Variants in OSBPL10 observed in about 807,000 individuals in gnomAD.
OSBPL10 encodes oxysterol binding protein like 10.
A neutral mutation model predicts 81.7 loss-of-function variants in OSBPL10; 49 were observed. That is an observed-to-expected ratio of 0.60 (90% CI 0.48 to 0.76). The LOEUF (loss-of-function observed/expected upper bound fraction) is 0.76. OSBPL10 is among the 30% of genes least tolerant of loss of function. OSBPL10 has a pLI of 0.00. For missense variants in OSBPL10, 923 were observed against 987.8 expected (o/e 0.93, Z 0.88); for synonymous variants, 419 against 383.6 (o/e 1.09, Z -1.08).
At chr3:31,942,224 G>C (rs1353237014) in intron 1 of OSBPL10, among the ~76,000 whole-genome samples, 4 of 152,022 alleles carry the variant, frequency 2.6e-5, no homozygotes, top group East Asian at 1.9e-4. Context: ...GCAGTGAGCC[G>C]AGATGGCGCC....
intron 2 of OSBPL10, among the ~76,000 whole-genome samples, chr3:32,004,582 G>C (rs770820960): frequency 6.6e-6 from 1 of 152,070 alleles, no homozygotes; most frequent in South Asian, 2.1e-4. Flanking sequence ...CACATTCTTC[G>C]GTTCCTCTGC....
intron 3 of OSBPL10, among the ~76,000 whole-genome samples, 174 bp from the exon 4 acceptor site, chr3:31,830,405 ACTGCCCTTCCTTAG>A (rs1559483456): frequency 6.6e-6 from 1 of 152,158 alleles, no homozygotes; most frequent in Non-Finnish European, 1.5e-5. Context: ...TACTCACTGA[ACTGCCCTTCCTTAG>A]CTGCCCTTCT....
intron 7 of OSBPL10, among the ~76,000 whole-genome samples, chr3:31,695,131 A>G (rs192815251): frequency 3.3e-5 from 5 of 152,300 alleles, no homozygotes; most frequent in Admixed American, 2.6e-4. Context: ...TCACCACCGG[A>G]GCACAGCTCA....
chr3:31,683,414 G>A (rs566863651), intron 8 of OSBPL10, among the ~76,000 whole-genome samples: 9 of 152,280 alleles, frequency 5.9e-5, no homozygotes, highest in Non-Finnish European at 1.3e-4. Context: ...CCAGGTGGGC[G>A]GCTGTCAGGC....
intron 4 of OSBPL10, among the ~76,000 whole-genome samples, chr3:31,754,124 T>C (rs1417942768): frequency 6.6e-6 from 1 of 150,828 alleles, no homozygotes; most frequent in African/African-American, 2.4e-5. Flanking sequence ...ATGTCTCTTG[T>C]TCTACACCTC....
chr3:31,940,433 G>A (rs1697501333), intron 1 of OSBPL10, among the ~76,000 whole-genome samples: 2 of 152,306 alleles, frequency 1.3e-5, no homozygotes, highest in South Asian at 2.1e-4. Context: ...ACTGGAAATG[G>A]GCACTGGGGA....
chr3:31,874,232 T>C (rs911583601), intron 3 of OSBPL10, among the ~76,000 whole-genome samples: 1 of 152,030 alleles, frequency 6.6e-6, no homozygotes, highest in Admixed American at 6.6e-5. Flanking sequence ...CCAAAATAAA[T>C]TCCAGATGAA....
chr3:31,815,318 G>C (rs529472307), intron 4 of OSBPL10, among the ~76,000 whole-genome samples: 2 of 152,174 alleles, frequency 1.3e-5, no homozygotes, highest in African/African-American at 2.4e-5. Context: ...CTGCTGATTC[G>C]TAAGCAAAAT....
rs556484662 is a variant in OSBPL10, at chr3:32,044,173, C to T, written n.298+2318G>A. On this transcript the variant is annotated intron_variant and non_coding_transcript_variant, in intron 2 of 3. Coordinates refer to the OSBPL10 transcript ENST00000479173. ...AACCAAGCCAAGCTGTGGTCTTCTG[C>T]AATGTTATAATCACCCTGTAAAGTC... 2.8e-4 allele frequency among the ~76,000 whole-genome samples: 43 copies of T among 152,098 alleles called. No homozygotes were observed. In the East Asian group the frequency reaches 7.9e-3, roughly 28 times the overall value.
At chr3:31,749,727 A>T (rs1697654109) in intron 4 of OSBPL10, among the ~76,000 whole-genome samples, 1 of 152,166 alleles carries the variant, frequency 6.6e-6, no homozygotes, top group Admixed American at 6.5e-5. Context: ...AGGGAGGAGA[A>T]TCGCTTGAAT....
chr3:32,074,618 C>G (rs1219271671), intron 1 of OSBPL10, among the ~76,000 whole-genome samples: 1 of 152,146 alleles, frequency 6.6e-6, no homozygotes, highest in Non-Finnish European at 1.5e-5. Flanking sequence ...CTCCTCCTAG[C>G]CCCTCCTCTT....
chr3:31,959,923 C>A (rs1698112385), intron 1 of OSBPL10, among the ~76,000 whole-genome samples: 1 of 152,136 alleles, frequency 6.6e-6, no homozygotes, highest in African/African-American at 2.4e-5. Context: ...AAAAAGGATA[C>A]AGGAAAAATG....
intron 7 of OSBPL10, among the ~76,000 whole-genome samples, chr3:31,695,895 T>C (rs1027458569): frequency 6.6e-6 from 1 of 152,192 alleles, no homozygotes; most frequent in Admixed American, 6.5e-5. Flanking sequence ...ATAATCATAA[T>C]AGCAAACACA....
chr3:31,965,535 TAA>T (rs1278190896), intron 1 of OSBPL10, among the ~76,000 whole-genome samples: 1 of 53,196 alleles, frequency 1.9e-5, no homozygotes, highest in East Asian at 1.0e-3. Context: ...TTATATTATA[TAA>T]ATTATATATT....
intron 6 of OSBPL10, among the ~76,000 whole-genome samples, chr3:31,725,974 G>C (rs977426691): frequency 6.6e-6 from 1 of 152,182 alleles, no homozygotes; most frequent in Non-Finnish European, 1.5e-5. Flanking sequence ...GAAACTGCCA[G>C]GTCAGAAAAG....
intron 1 of OSBPL10, among the ~76,000 whole-genome samples, chr3:31,888,387 G>A (rs1262484825): frequency 2.6e-5 from 4 of 152,164 alleles, no homozygotes; most frequent in Non-Finnish European, 5.9e-5. Flanking sequence ...AAAGGGAAAT[G>A]CTGCAGGACC....
In OSBPL10 at chr3:31,990,957, G is replaced by A. The variant is rs756847227; in HGVS notation, n.298+55534C>T. The A allele has an allele frequency of 1.1e-5, 17 of 1,574,144 alleles. No individual in the cohort carries two copies. The East Asian group carries it at 4.0e-4, about 37-fold the overall frequency. On this transcript the variant is annotated intron_variant and non_coding_transcript_variant, in intron 2 of 3. Coordinates refer to the OSBPL10 transcript ENST00000479173. ...GACAGAAATCTTACAAATGTCATAA[G>A]CGTGGCAAGGTCTTCAGTTAGAGGT...
chr3:31,765,040 C>G lies in OSBPL10; in HGVS notation c.730-16920G>C, dbSNP rs560670990. Among the ~76,000 whole-genome samples, 149 of 151,918 alleles carry G rather than the reference C, an allele frequency of 9.8e-4. 1 individual carries two copies. The highest frequency in any genetic ancestry group is 3.5e-3 in the African/African-American group (143 of 41,416). The stretch of plus-strand genomic sequence containing the variant: ...CTTTTTTTCTTTTTTTTTCTGGAGA[C>G]AGGGTCTTGCTCTGTCACCCAGGCT... On this transcript the variant is annotated intron_variant, in intron 4 of 11. Coordinates refer to ENST00000396556, the MANE Select transcript of OSBPL10 (RefSeq NM_017784.5).
Position 31,926,291 on chromosome 3 carries a change from C to CCCCCA in OSBPL10, c.282-46462_282-46461insTGGGG, listed in dbSNP as rs1553641108. Among the ~76,000 whole-genome samples the CCCCCA allele has an allele frequency of 4.5e-3, 649 of 142,790 alleles. 52 individuals carry two copies. The highest frequency in any genetic ancestry group is 0.017 in the African/African-American group (623 of 37,224). The allele number at this position is 142,790 out of a possible 152,430, so 93.7% of individuals were successfully genotyped here. A position where few individuals can be genotyped will look rare whatever the true frequency, so the allele number is the denominator to read the frequency against. The stretch of plus-strand genomic sequence containing the variant: ...GGTTCTCAACCATGGGTGATTTTGC[C>CCCCCA]CCCCCAGAGGATAGCTGCAATGTCT... On this transcript the variant is annotated intron_variant, in intron 1 of 11. Coordinates refer to ENST00000396556, the MANE Select transcript of OSBPL10 (RefSeq NM_017784.5).
Sources: allele counts gnomAD v4.1 joint callset (sites outside exome capture counted in the v4.1 genomes callset), GRCh38; gene constraint gnomAD v4.1.1; transcripts MANE v1.5; gene names NCBI Gene and HGNC (gene_info 2026-07-23, HGNC 2026-07-21).